MRAS: variants seen among roughly 807,000 people sequenced by gnomAD.
The protein encoded by MRAS is muscle RAS oncogene homolog, also known as ras-related protein M-Ras.
In MRAS, 4 loss-of-function variants were observed where a neutral mutation model predicts 20.9. The observed-to-expected ratio is 0.19, with a 90% CI of 0.09 to 0.44. The LOEUF (loss-of-function observed/expected upper bound fraction) is 0.44, where lower values mean the gene tolerates loss of function less well. Among genes scored for constraint, MRAS ranks in the 20% least tolerant of loss-of-function variants. MRAS has a pLI of 0.99. For missense variants in MRAS, 154 were observed against 277.5 expected (o/e 0.56, Z 3.16); for synonymous variants, 98 against 102.9 (o/e 0.95, Z 0.29).
chr3:138,368,990 C>T (rs756276150), intron 1 of MRAS, among the ~76,000 whole-genome samples: 1 of 152,074 alleles, frequency 6.6e-6, no homozygotes, highest in African/African-American at 2.4e-5. Context: ...CTTGGAAACC[C>T]CTTCTTTGTT....
At chr3:138,369,271 A>G (rs1022838430) in intron 1 of MRAS, among the ~76,000 whole-genome samples, 1 of 152,224 alleles carries the variant, frequency 6.6e-6, no homozygotes, top group Non-Finnish European at 1.5e-5. Flanking sequence ...CCTTTTGTGC[A>G]CAGTAAACAC....
At position 138,397,328 on chromosome 3, in the gene MRAS, G is replaced by A. The variant is rs1175641702; in HGVS notation, c.198G>A (p.Leu66=). The change falls in exon 3 of 6, where the codon CTG becomes CTA. Residue 66 remains leucine, a synonymous_variant. Coordinates refer to ENST00000423968, the MANE Select transcript of MRAS (RefSeq NM_001085049.3). ...IDNQWAILDV[L]DTAGQEEFSA... ...AGTGGCCTCATCCCACCCCAGTTCT[G>A]GACACAGCTGGGCAGGAGGAATTCA... 3.1e-6 allele frequency: 5 copies of A among 1,613,878 alleles called. No homozygotes were observed. The highest frequency in any genetic ancestry group is 4.2e-6 in the Non-Finnish European group (5 of 1,179,944).
chr3:138,379,902 A>G (rs2054864556), intron 2 of MRAS, among the ~76,000 whole-genome samples: 1 of 152,178 alleles, frequency 6.6e-6, no homozygotes, highest in South Asian at 2.1e-4. Flanking sequence ...AGGGATCTCC[A>G]TACCATTTTC....
chr3:138,396,565 C>G (rs971024090), intron 2 of MRAS, among the ~76,000 whole-genome samples: 1 of 152,230 alleles, frequency 6.6e-6, no homozygotes. Context: ...CCCTGCCTAC[C>G]GAGCTTGTGG....
At chr3:138,359,012 AG>A (rs2054392393) in intron 1 of MRAS, among the ~76,000 whole-genome samples, 2 of 152,058 alleles carry the variant, frequency 1.3e-5, no homozygotes, top group Admixed American at 6.6e-5. Context: ...CAGCTAGCAG[AG>A]GGGCTTTGAT....
intron 2 of MRAS, among the ~76,000 whole-genome samples, chr3:138,380,074 G>A (rs1015314199): frequency 6.6e-6 from 1 of 152,074 alleles, no homozygotes; most frequent in African/African-American, 2.4e-5. Context: ...TTTCATTGTA[G>A]TTTTGATTTG....
At chr3:138,376,131 T>A (rs563090241) in intron 2 of MRAS, among the ~76,000 whole-genome samples, 1 of 152,356 alleles carries the variant, frequency 6.6e-6, no homozygotes, top group African/African-American at 2.4e-5. Context: ...TCTGCAGCCC[T>A]GGGACTTTGA....
rs148999743 is a variant in MRAS at position 138,368,807 on chromosome 3, G to A, written c.-18-4059G>A. Among the ~76,000 whole-genome samples the A allele has an allele frequency of 7.4e-3, 1,134 of 152,236 alleles. 10 individuals are homozygous for A. Among genetic ancestry groups the A allele is most frequent in the Non-Finnish European group, 8.5e-3 (575 of 68,014 alleles). On this transcript the variant is annotated intron_variant, in intron 1 of 5. Transcript: ENST00000423968. ...TTTTAAAAAAATCTTTCTCTGTACC[G>A]CATGAGACCAGCTTATTTTGTAGGA...
chr3:138,349,300 CT>C (rs200521498), intron 1 of MRAS: 1,922 of 152,392 alleles, frequency 0.013, 20 homozygotes, highest in Non-Finnish European at 0.021. Flanking sequence ...ATGCATTGAA[CT>C]GATCTGGCTG....
chr3:138,375,573 G>A (rs2054767073), intron 2 of MRAS, among the ~76,000 whole-genome samples: 1 of 152,162 alleles, frequency 6.6e-6, no homozygotes, highest in Non-Finnish European at 1.5e-5. Flanking sequence ...GCAGTGGCAT[G>A]ATCAAGGCTC....
chr3:138,370,109 G>A (rs2054644411), intron 1 of MRAS, among the ~76,000 whole-genome samples: 2 of 152,240 alleles, frequency 1.3e-5, no homozygotes, highest in Non-Finnish European at 2.9e-5. Context: ...CACAAGGTCA[G>A]GAGAGCAAAA....
chr3:138,371,809 C>T (rs1327957830), intron 1 of MRAS, among the ~76,000 whole-genome samples: 1 of 92,106 alleles, frequency 1.1e-5, no homozygotes, highest in Non-Finnish European at 2.4e-5. Context: ...TGCTGTCAGC[C>T]TCCTTCTGGA....
chr3:138,405,283 T>A lies in MRAS; in HGVS notation c.*3014T>A, dbSNP rs1441416395. ...CCCCTCAGACATGTTACAGCAAATC[T>A]GGAGCCACAGACAGGTTCCCTCCAT... On this transcript the variant is annotated 3_prime_UTR_variant, in exon 6 of 6. Transcript: ENST00000423968. 1 of 152,650 alleles carries A rather than the reference T, an allele frequency of 6.6e-6. No homozygotes were observed. Among genetic ancestry groups the A allele is most frequent in the Non-Finnish European group, 1.5e-5 (1 of 68,050 alleles). The allele number at this position is 152,650 out of a possible 1,614,324, so 9.5% of individuals were successfully genotyped here.
At position 138,400,372 on chromosome 3, in the gene MRAS, G is replaced by C. The variant is rs560211972; in HGVS notation, c.448-162G>C. ...TAGTAACACTTTCCAACCTGAAAGAGTGAAAAGCCCTAAATGATGCTTGAG... is the reference window on the plus strand; with the variant it reads ...TAGTAACACTTTCCAACCTGAAAGACTGAAAAGCCCTAAATGATGCTTGAG... On this transcript the variant is annotated intron_variant, in intron 4 of 5. Coordinates refer to ENST00000423968, the MANE Select transcript of MRAS (RefSeq NM_001085049.3). 66 of 638,584 alleles carry C rather than the reference G, an allele frequency of 1.0e-4. No individual in the cohort carries two copies. The African/African-American group carries it at 1.1e-3, about 11-fold the overall frequency. 39.6% of individuals were successfully genotyped at this position (638,584 alleles called of 1,614,324 possible). A position where few individuals can be genotyped will look rare whatever the true frequency, so the allele number is the denominator to read the frequency against.
chr3:138,382,709 A>C (rs1387538349), intron 2 of MRAS, among the ~76,000 whole-genome samples: 1 of 152,100 alleles, frequency 6.6e-6, no homozygotes, highest in African/African-American at 2.4e-5. Flanking sequence ...CCTACACCCA[A>C]CTCTTAGCAC....
Position 138,398,475 on chromosome 3 carries a change from A to G in MRAS, c.354A>G (p.Ser118=), listed in dbSNP as rs745549352. Reference sequence around the variant, plus strand: ...CTGTTCCTTTATTTCCCAGGGAGTCATTCCCGATGATCCTCGTGGCCAACA... The same window carrying G: ...CTGTTCCTTTATTTCCCAGGGAGTCGTTCCCGATGATCCTCGTGGCCAACA... ...QLILRVKDRE[S]FPMILVANKV... Residue 118 remains serine (S), a synonymous_variant, in exon 4 of 6, where the codon TCA becomes TCG. Transcript: ENST00000423968. The G allele has an allele frequency of 2.2e-5, 35 of 1,614,100 alleles. No individual in the cohort carries two copies. The highest frequency in any genetic ancestry group is 1.6e-4 in the Middle Eastern group (1 of 6,062).
chr3:138,380,809 C>T (rs984880731), intron 2 of MRAS, among the ~76,000 whole-genome samples: 20 of 150,712 alleles, frequency 1.3e-4, no homozygotes, highest in Non-Finnish European at 2.1e-4. Context: ...CTCGCTCTGT[C>T]GCCAGGCTGG....
intron 2 of MRAS, among the ~76,000 whole-genome samples, chr3:138,387,754 C>T (rs1267602613): frequency 6.6e-6 from 1 of 152,180 alleles, no homozygotes; most frequent in East Asian, 1.9e-4. Flanking sequence ...CTAAGAGCAG[C>T]ATTGAGGGTT....
intron 1 of MRAS, among the ~76,000 whole-genome samples, chr3:138,351,851 A>G (rs2054233974): frequency 6.6e-6 from 1 of 152,146 alleles, no homozygotes; most frequent in Admixed American, 6.5e-5. Context: ...AAGCCCAGGG[A>G]ACGTTGATGT....
Sources: gnomAD v4.1 joint callset for allele counts (sites outside exome capture counted in the v4.1 genomes callset) on GRCh38, gnomAD v4.1.1 for gene constraint, MANE v1.5 for transcripts, NCBI Gene and HGNC (gene_info 2026-07-23, HGNC 2026-07-21) for gene names.